HYDIN: variants seen among roughly 807,000 people sequenced by gnomAD.
HYDIN encodes axonemal central pair apparatus protein HYDIN.
HYDIN carries 132 observed loss-of-function variants against 403.9 expected under a neutral mutation model. That is an observed-to-expected ratio of 0.33 (90% CI 0.28 to 0.38). The LOEUF (loss-of-function observed/expected upper bound fraction) is 0.38, where lower values mean the gene tolerates loss of function less well. HYDIN is among the 10% of genes least tolerant of loss of function. The probability of loss-of-function intolerance (pLI) is 1.00; values close to 1 mark genes in which losing one functional copy is unlikely to be tolerated. For synonymous variants in HYDIN, 1,202 were observed against 1,891.7 expected (o/e 0.64, Z 9.46); for missense variants, 2,827 against 5,009.5 (o/e 0.56, Z 13.15).
rs1597857794 is a variant in HYDIN at position 71,135,888 on chromosome 16, T to C, written c.1043+1263A>G. Among the ~76,000 whole-genome samples, 4 of 149,072 alleles carry C rather than the reference T, an allele frequency of 2.7e-5. No individual in the cohort carries two copies. In the South Asian group the frequency reaches 8.8e-4, roughly 33 times the overall value. The stretch of plus-strand genomic sequence containing the variant: ...CTTCTGGCCCACTGTGTCCTGTCAT[T>C]GTCGTGGCTTCTGATTCAATTAGGG... On this transcript the variant is annotated intron_variant, in intron 8 of 85. Coordinates refer to ENST00000393567, the MANE Select transcript of HYDIN (RefSeq NM_001270974.2).
chr16:70,962,242 T>C, intron 37 of HYDIN, 104 bp from the exon 38 acceptor site: 2 of 607,920 alleles, frequency 3.3e-6, no homozygotes, highest in Non-Finnish European at 5.5e-6. Flanking sequence ...AGATTCACCA[T>C]ACGGGCTCCC....
At chr16:71,096,365 G>A (rs189814981) in intron 10 of HYDIN, among the ~76,000 whole-genome samples, 74 of 152,218 alleles carry the variant, frequency 4.9e-4, no homozygotes, top group African/African-American at 1.7e-3. Context: ...CCTTTCAGGG[G>A]CTTGTAGCAC....
intron 54 of HYDIN, 128 bp downstream of exon 54, chr16:70,895,853 T>C (rs1360017209): frequency 1.5e-5 from 21 of 1,408,482 alleles, no homozygotes; most frequent in African/African-American, 3.4e-5. Context: ...CTCACATTAT[T>C]ATTTATTAAA....
intron 60 of HYDIN, among the ~76,000 whole-genome samples, chr16:70,880,135 T>C (rs1158384523): frequency 3.2e-5 from 3 of 93,466 alleles, no homozygotes; most frequent in African/African-American, 6.1e-5. Flanking sequence ...CATGGTTCAC[T>C]GCAGCCTCGA....
intron 75 of HYDIN, among the ~76,000 whole-genome samples, chr16:70,847,946 T>C (rs2038333398): frequency 6.7e-6 from 1 of 149,094 alleles, no homozygotes; most frequent in African/African-American, 2.5e-5. Flanking sequence ...CTTATGGGAA[T>C]CTGAACTTCT....
intron 21 of HYDIN, among the ~76,000 whole-genome samples, chr16:71,024,371 C>A (rs556638853): frequency 5.3e-5 from 8 of 152,224 alleles, no homozygotes; most frequent in African/African-American, 1.9e-4. Flanking sequence ...TCTATTTTTA[C>A]TTGTAGTCTC....
In HYDIN at chr16:71,082,433, C is replaced by T. The variant is rs541725753; in HGVS notation, c.1671-2481G>A. 5.3e-5 allele frequency among the ~76,000 whole-genome samples: 8 copies of T among 151,886 alleles called. No individual in the cohort carries two copies. The East Asian group carries it at 1.4e-3, about 26-fold the overall frequency. On this transcript the variant is annotated intron_variant, in intron 12 of 85. Transcript: ENST00000393567. ...GGAGGAAATTTATGTAAGTCTATTT[C>T]TCTTAGCAATTGATCATGAGTTTGG...
At chr16:70,996,802 C>A (rs374395582) in intron 23 of HYDIN, among the ~76,000 whole-genome samples, 10 of 149,902 alleles carry the variant, frequency 6.7e-5, no homozygotes, top group Non-Finnish European at 1.0e-4. Flanking sequence ...GGTCCCCAAC[C>A]TTTTTGGCAC....
intron 10 of HYDIN, among the ~76,000 whole-genome samples, chr16:71,100,449 G>A (rs557024777): frequency 1.4e-4 from 21 of 152,192 alleles, no homozygotes; most frequent in African/African-American, 4.1e-4. Context: ...AAGACATGCC[G>A]AAGGAAAAAC....
intron 47 of HYDIN, among the ~76,000 whole-genome samples, chr16:70,909,380 C>A (rs1206481514): frequency 6.6e-6 from 1 of 151,456 alleles, no homozygotes; most frequent in African/African-American, 2.4e-5. Flanking sequence ...GTTTCCTGAT[C>A]AAAAAAAAAT....
At position 71,093,935 on chromosome 16, in the gene HYDIN, C is replaced by T; in HGVS notation, c.1328G>A (p.Gly443Asp). 1 of 1,613,250 alleles carries T rather than the reference C, an allele frequency of 6.2e-7. No homozygotes were observed. Among genetic ancestry groups the T allele is most frequent in the South Asian group, 1.1e-5 (1 of 90,964 alleles). The part of the protein sequence containing the change: ...YQQTIYCDIL[G>D]REIRLPLRIK... ...TCGGAGGGGCAGACGGATTTCTCGG[C>T]CTAGAAAAACAATTCAGACTTTATC... Residue 443 changes from glycine (G) to aspartate (D), a missense_variant and splice_region_variant, in exon 11 of 86, where the codon GGC (glycine) becomes GAC (aspartate). Transcript: ENST00000393567.
chr16:70,915,909 T>G (rs2076826187), intron 47 of HYDIN, among the ~76,000 whole-genome samples: 1 of 152,090 alleles, frequency 6.6e-6, no homozygotes, highest in African/African-American at 2.4e-5. Context: ...TCGTGCAGGT[T>G]GTCAGGGAAG....
intron 18 of HYDIN, among the ~76,000 whole-genome samples, chr16:71,037,742 A>T (rs1597611303): frequency 6.6e-6 from 1 of 152,224 alleles, no homozygotes; most frequent in Non-Finnish European, 1.5e-5. Flanking sequence ...AAGGAAAAAA[A>T]TTCTGCCAAT....
At chr16:70,968,627 G>A (rs969145046) in intron 36 of HYDIN, among the ~76,000 whole-genome samples, 8 of 152,130 alleles carry the variant, frequency 5.3e-5, no homozygotes, top group Admixed American at 5.2e-4. Flanking sequence ...GCATCTGGCA[G>A]TAAGAAGGCA....
intron 13 of HYDIN, among the ~76,000 whole-genome samples, chr16:71,078,673 T>G (rs1913108): frequency 6.6e-6 from 1 of 151,698 alleles, no homozygotes; most frequent in African/African-American, 2.4e-5. Context: ...CTCAGCTGAT[T>G]GTTTTAGTTT....
At chr16:71,128,198 C>T (rs1440779878) in intron 9 of HYDIN, among the ~76,000 whole-genome samples, 3 of 152,338 alleles carry the variant, frequency 2.0e-5, no homozygotes, top group South Asian at 2.1e-4. Flanking sequence ...CTGTCTTCTC[C>T]AGTGACTCAC....
At chr16:70,955,955 A>G (rs1444219420) in intron 39 of HYDIN, among the ~76,000 whole-genome samples, 4 of 152,092 alleles carry the variant, frequency 2.6e-5, no homozygotes, top group African/African-American at 9.7e-5. Context: ...AGTAGCTGGG[A>G]TTACAGGCAC....
In HYDIN at chr16:71,035,594, T is replaced by C. The variant is rs2079240; in HGVS notation, c.2530-3677A>G. On this transcript the variant is annotated intron_variant, in intron 18 of 85. Coordinates refer to ENST00000393567, the MANE Select transcript of HYDIN (RefSeq NM_001270974.2). ...AGTAACCAGACGTTCTCCTTTCTTA[T>C]AACTGTTTTCCCTACTTGCTGTTTT... Among the ~76,000 whole-genome samples, 944 of 130,086 alleles carry C rather than the reference T, an allele frequency of 7.3e-3. 9 individuals are homozygous for C. The highest frequency in any genetic ancestry group is 0.025 in the African/African-American group (903 of 36,436). 85.3% of individuals were successfully genotyped at this position (130,086 alleles called of 152,430 possible).
chr16:70,947,389 C>T (rs1212525565), intron 41 of HYDIN, among the ~76,000 whole-genome samples: 1 of 151,954 alleles, frequency 6.6e-6, no homozygotes, highest in Non-Finnish European at 1.5e-5. Flanking sequence ...AGGGATGAAG[C>T]CCACTTGATC....
Sources: allele counts gnomAD v4.1 joint callset (sites outside exome capture counted in the v4.1 genomes callset), GRCh38; gene constraint gnomAD v4.1.1; transcripts MANE v1.5; gene names NCBI Gene and HGNC (gene_info 2026-07-23, HGNC 2026-07-21).